Variants in PDE1A observed in about 807,000 individuals in gnomAD.
The protein encoded by PDE1A is dual specificity calcium/calmodulin-dependent 3',5'-cyclic nucleotide phosphodiesterase 1A.
A neutral mutation model predicts 61.7 loss-of-function variants in PDE1A; 35 were observed. The ratio of observed to expected loss-of-function variants is 0.57; its 90% confidence interval spans 0.43 to 0.75. PDE1A has a LOEUF of 0.75. Ranked by LOEUF, PDE1A falls within the 30% of genes least tolerant of loss-of-function variation. The pLI is 0.00. For synonymous variants in PDE1A, 232 were observed against 213.2 expected (o/e 1.09, Z -0.77); for missense variants, 597 against 630.6 (o/e 0.95, Z 0.57).
chr2:182,172,382 T>C (rs1692306445), intron 13 of PDE1A, among the ~76,000 whole-genome samples: 1 of 152,034 alleles, frequency 6.6e-6, no homozygotes, highest in Non-Finnish European at 1.5e-5. Context: ...GTAAATATTT[T>C]TGTAATGACT....
the PDE1A span, among the ~76,000 whole-genome samples, chr2:182,573,429 AG>A: frequency 6.6e-6 from 1 of 152,284 alleles, no homozygotes; most frequent in South Asian, 2.1e-4. Flanking sequence ...ACATTTCTCA[AG>A]ACAGCTATAC....
chr2:182,211,221 T>C (rs1269543949), intron 7 of PDE1A, among the ~76,000 whole-genome samples: 2 of 152,358 alleles, frequency 1.3e-5, no homozygotes, highest in East Asian at 3.9e-4. Context: ...CTTTGCTTTT[T>C]GCTTTTGCAT....
chr2:182,400,122 T>C (rs1232916703), intron 1 of PDE1A, among the ~76,000 whole-genome samples: 1 of 152,186 alleles, frequency 6.6e-6, no homozygotes, highest in Non-Finnish European at 1.5e-5. Flanking sequence ...TTTTTACATA[T>C]TTATTGGCTA....
chr2:182,665,723 T>A, the PDE1A span, among the ~76,000 whole-genome samples: 1 of 152,224 alleles, frequency 6.6e-6, no homozygotes, highest in East Asian at 1.9e-4. Flanking sequence ...TGGGCATATA[T>A]CCAAAGGAAT....
the PDE1A span, among the ~76,000 whole-genome samples, chr2:182,615,407 T>C: frequency 3.3e-5 from 5 of 152,146 alleles, no homozygotes; most frequent in African/African-American, 1.2e-4. Context: ...TTATATCTTA[T>C]TAGAACAATA....
the PDE1A span, among the ~76,000 whole-genome samples, chr2:182,676,101 C>A: frequency 6.6e-6 from 1 of 151,918 alleles, no homozygotes; most frequent in South Asian, 2.1e-4. Flanking sequence ...ACATTTAAGT[C>A]TTTAATTCAG....
At chr2:182,213,024 AG>A (rs1456905146) in intron 7 of PDE1A, among the ~76,000 whole-genome samples, 6 of 150,352 alleles carry the variant, frequency 4.0e-5, no homozygotes, top group Middle Eastern at 6.8e-3. Flanking sequence ...CCTGTCTGAC[AG>A]CTTTGAAGAG....
At chr2:182,322,367 G>A (rs1696749822) in intron 1 of PDE1A, among the ~76,000 whole-genome samples, 2 of 152,112 alleles carry the variant, frequency 1.3e-5, no homozygotes, top group African/African-American at 4.8e-5. Flanking sequence ...CCCAGTGGGA[G>A]GTAATTGAAT....
the PDE1A span, among the ~76,000 whole-genome samples, chr2:182,552,895 G>A: frequency 0.011 from 1,653 of 151,998 alleles, 20 homozygotes; most frequent in Middle Eastern, 0.034. Flanking sequence ...CTGAGCTTTC[G>A]CTCGCCATCC....
intron 1 of PDE1A, among the ~76,000 whole-genome samples, chr2:182,419,893 A>T (rs569591780): frequency 1.3e-5 from 2 of 152,302 alleles, no homozygotes; most frequent in South Asian, 4.1e-4. Flanking sequence ...TATAAAATAC[A>T]TTCTACTAAA....
chr2:182,667,408 T>C, the PDE1A span, among the ~76,000 whole-genome samples: 1 of 152,220 alleles, frequency 6.6e-6, no homozygotes, highest in Non-Finnish European at 1.5e-5. Flanking sequence ...AGGGAACCCA[T>C]CACAATGGTG....
intron 2 of PDE1A, among the ~76,000 whole-genome samples, chr2:182,440,718 G>C (rs971650124): frequency 6.6e-6 from 1 of 151,650 alleles, no homozygotes; most frequent in Non-Finnish European, 1.5e-5. Context: ...CCAATATTAT[G>C]TGTTTAAAAT....
At chr2:182,345,518 G>C (rs1198981154) in intron 1 of PDE1A, among the ~76,000 whole-genome samples, 1 of 151,982 alleles carries the variant, frequency 6.6e-6, no homozygotes, top group Non-Finnish European at 1.5e-5. Flanking sequence ...AACTGAGCTT[G>C]CTAATACGAC....
At chr2:182,395,531 T>C (rs56151707) in intron 1 of PDE1A, among the ~76,000 whole-genome samples, 3 of 152,334 alleles carry the variant, frequency 2.0e-5, no homozygotes, top group Non-Finnish European at 4.4e-5. Context: ...GATAAGTTGC[T>C]GCATTTGGCC....
intron 1 of PDE1A, among the ~76,000 whole-genome samples, chr2:182,356,397 AT>A (rs371743474): frequency 2.5e-4 from 38 of 152,312 alleles, no homozygotes; most frequent in East Asian, 1.5e-3. Context: ...TATATTAAGA[AT>A]TTTTATTAAT....
At chr2:182,508,594 A>C (rs918942347) in intron 2 of PDE1A, among the ~76,000 whole-genome samples, 25 of 151,824 alleles carry the variant, frequency 1.6e-4, no homozygotes, top group Non-Finnish European at 3.2e-4. Context: ...ACTGAATAAC[A>C]GAATACCTAA....
intron 1 of PDE1A, among the ~76,000 whole-genome samples, chr2:182,270,479 G>A (rs2125813781): frequency 6.6e-6 from 1 of 152,064 alleles, no homozygotes; most frequent in Middle Eastern, 3.4e-3. Flanking sequence ...AATCCTGTGT[G>A]TCTATGCATG....
At chr2:182,171,141 C>T (rs773546554) in intron 13 of PDE1A, among the ~76,000 whole-genome samples, 53 of 151,670 alleles carry the variant, frequency 3.5e-4, no homozygotes, top group Non-Finnish European at 5.9e-4. Flanking sequence ...TTAAATAAAC[C>T]GTAAAATGTT....
At chr2:182,477,174 C>T (rs371940463) in intron 2 of PDE1A, among the ~76,000 whole-genome samples, 50 of 151,864 alleles carry the variant, frequency 3.3e-4, no homozygotes, top group Non-Finnish European at 5.6e-4. Flanking sequence ...ATATTGAGAA[C>T]CTATAGCAGT....
Sources: allele counts gnomAD v4.1 joint callset (sites outside exome capture counted in the v4.1 genomes callset), GRCh38; gene constraint gnomAD v4.1.1; transcripts MANE v1.5; gene names NCBI Gene and HGNC (gene_info 2026-07-23, HGNC 2026-07-21).